Variants in TANC2 observed in about 807,000 individuals in gnomAD.
TANC2 encodes the protein tetratricopeptide repeat, ankyrin repeat and coiled-coil containing 2, also known as protein TANC2.
Under a neutral mutation model 210.5 loss-of-function variants are expected in TANC2, and 26 were observed. That is an observed-to-expected ratio of 0.12 (90% CI 0.09 to 0.17). The LOEUF is 0.17. Ranked by LOEUF, TANC2 falls within the 10% of genes least tolerant of loss-of-function variation. The pLI, the probability that TANC2 is intolerant of heterozygous loss-of-function variation, is 1.00. For synonymous variants in TANC2, 931 were observed against 967.1 expected (o/e 0.96, Z 0.69); for missense variants, 2,129 against 2,608.9 (o/e 0.82, Z 4.01).
intron 5 of TANC2, chr17:63,152,036 G>A (rs1052610217): frequency 2.0e-5 from 3 of 152,140 alleles, no homozygotes; most frequent in African/African-American, 7.2e-5. Context: ...TTCAAACTTA[G>A]ATGAGTTGCC....
chr17:63,009,166 ATAGT>A (rs1361874146), intron 1 of TANC2, among the ~76,000 whole-genome samples: 1 of 151,958 alleles, frequency 6.6e-6, no homozygotes, highest in Non-Finnish European at 1.5e-5. Flanking sequence ...TGGGTAAATA[ATAGT>A]TGTATATATT....
At position 63,200,678 on chromosome 17, in the gene TANC2, GT is replaced by G. The variant is rs536980989; in HGVS notation, c.583-83del. 1,048 of 1,042,910 alleles carry G rather than the reference GT, an allele frequency of 1.0e-3. 2 individuals are homozygous for G. The highest frequency in any genetic ancestry group is 2.9e-3 in the East Asian group (104 of 36,458). The allele number at this position is 1,042,910 out of a possible 1,614,324, so 64.6% of individuals were successfully genotyped here. Reference sequence around the variant, plus strand: ...AATAGATGTAAAAGCTATGCATGTAGTTTTTTTTTTCATCAAAGCATTTATT... The same window carrying G: ...AATAGATGTAAAAGCTATGCATGTAGTTTTTTTTTCATCAAAGCATTTATT... On this transcript the variant is annotated intron_variant, in intron 6 of 27. Coordinates refer to ENST00000689528, the Ensembl canonical transcript of TANC2.
At chr17:63,141,261 G>A (rs1023299010) in intron 4 of TANC2, among the ~76,000 whole-genome samples, 1 of 150,098 alleles carries the variant, frequency 6.7e-6, no homozygotes, top group Non-Finnish European at 1.5e-5. Context: ...TATAAAATAG[G>A]CTGGGTGTGG....
chr17:63,009,688 C>A (rs1242577052), intron 2 of TANC2, 62 bp downstream of exon 2: 1 of 1,410,340 alleles, frequency 7.1e-7, no homozygotes, highest in Non-Finnish European at 1.0e-6. Context: ...CTTTTAGGGT[C>A]CTGAATTAAT....
At chr17:63,031,090 T>C (rs2034749776) in intron 2 of TANC2, among the ~76,000 whole-genome samples, 1 of 134,316 alleles carries the variant, frequency 7.4e-6, no homozygotes, top group African/African-American at 2.7e-5. Flanking sequence ...GATTTTAGTA[T>C]CAGAGGCCTG....
intron 5 of TANC2, among the ~76,000 whole-genome samples, chr17:63,176,330 A>G (rs2040578649): frequency 6.6e-6 from 1 of 152,234 alleles, no homozygotes. Context: ...TGTGGTATCC[A>G]TACAAAGGAA....
intron 18 of TANC2, among the ~76,000 whole-genome samples, chr17:63,398,325 G>T (rs2147227973): frequency 6.6e-6 from 1 of 152,072 alleles, no homozygotes; most frequent in Non-Finnish European, 1.5e-5. Flanking sequence ...GTGTGGTGGT[G>T]CATGCCTGTA....
At chr17:63,073,136 T>C (rs1010657054) in intron 2 of TANC2, among the ~76,000 whole-genome samples, 2 of 152,116 alleles carry the variant, frequency 1.3e-5, no homozygotes, top group African/African-American at 2.4e-5. Context: ...AACAAATTTA[T>C]AGGTGTATAG....
At chr17:63,360,042 G>A (rs2046912773) in intron 14 of TANC2, among the ~76,000 whole-genome samples, 1 of 152,196 alleles carries the variant, frequency 6.6e-6, no homozygotes, top group African/African-American at 2.4e-5. Context: ...AGAACAAGCA[G>A]TTTGTCTAAG....
intron 5 of TANC2, chr17:63,154,486 T>C (rs142028367): frequency 1.4e-4 from 21 of 152,124 alleles, no homozygotes; most frequent in Admixed American, 3.3e-4. Context: ...AATAAGAAAA[T>C]AGATTCATCC....
At chr17:63,178,891 T>C (rs1237498457) in intron 5 of TANC2, among the ~76,000 whole-genome samples, 2 of 152,192 alleles carry the variant, frequency 1.3e-5, no homozygotes, top group African/African-American at 4.8e-5. Context: ...TATTAGACAT[T>C]CATTTCTTGG....
At chr17:63,279,863 G>C (rs1223656221) in intron 9 of TANC2, among the ~76,000 whole-genome samples, 1 of 152,088 alleles carries the variant, frequency 6.6e-6, no homozygotes, top group African/African-American at 2.4e-5. Flanking sequence ...AAAGGTCTTA[G>C]ATTGAGAATC....
At chr17:63,262,476 C>T (rs1313154507) in intron 8 of TANC2, among the ~76,000 whole-genome samples, 1 of 152,202 alleles carries the variant, frequency 6.6e-6, no homozygotes, top group East Asian at 1.9e-4. Context: ...AGGCGCAAGC[C>T]ACCGCACCCA....
chr17:63,221,593 A>G (rs2042194363), intron 7 of TANC2, among the ~76,000 whole-genome samples: 1 of 152,210 alleles, frequency 6.6e-6, no homozygotes, highest in Non-Finnish European at 1.5e-5. Context: ...GAATTTCAAT[A>G]AAATGAGCAA....
At chr17:63,186,776 A>T (rs1200240909) in intron 5 of TANC2, among the ~76,000 whole-genome samples, 2 of 152,224 alleles carry the variant, frequency 1.3e-5, no homozygotes, top group East Asian at 3.8e-4. Context: ...CCTAATGCGT[A>T]AACACACTGC....
At chr17:63,050,927 G>T (rs950101084) in intron 2 of TANC2, among the ~76,000 whole-genome samples, 5 of 152,126 alleles carry the variant, frequency 3.3e-5, no homozygotes, top group Non-Finnish European at 5.9e-5. Flanking sequence ...TATTTCACAA[G>T]CCTACCCTTT....
intron 14 of TANC2, among the ~76,000 whole-genome samples, chr17:63,373,845 G>A (rs1310248316): frequency 6.6e-6 from 1 of 152,074 alleles, no homozygotes; most frequent in African/African-American, 2.4e-5. Flanking sequence ...GCCGGGCATG[G>A]TGGTGCACGC....
At chr17:63,413,752 G>C (rs1172798333) in intron 25 of TANC2, 118 bp downstream of exon 25, 4 of 915,628 alleles carry the variant, frequency 4.4e-6, no homozygotes, top group Non-Finnish European at 6.6e-6. Flanking sequence ...GGAAACTACT[G>C]TTCCTCAGTG....
chr17:63,200,692 C>G (rs2041503691), intron 6 of TANC2, 79 bp from the exon 7 acceptor site: 1 of 1,287,884 alleles, frequency 7.8e-7, no homozygotes, highest in Admixed American at 2.4e-5. Flanking sequence ...TTTTTTTCAT[C>G]AAAGCATTTA....
Sources: allele counts gnomAD v4.1 joint callset (sites outside exome capture counted in the v4.1 genomes callset), GRCh38; gene constraint gnomAD v4.1.1; transcripts MANE v1.5; gene names NCBI Gene and HGNC (gene_info 2026-07-23, HGNC 2026-07-21).